Variants in HOXB3 observed in about 807,000 individuals in gnomAD.
The protein encoded by HOXB3 is homeobox B3, also known as homeobox protein Hox-B3.
In HOXB3, 17 loss-of-function variants were observed where a neutral mutation model predicts 29.2. The observed-to-expected ratio is 0.58, with a 90% confidence interval of 0.40 to 0.87. The LOEUF is 0.87. Ranked by LOEUF, HOXB3 falls within the 40% of genes least tolerant of loss-of-function variation. HOXB3 has a pLI of 0.00. For synonymous variants in HOXB3, 317 were observed against 285.9 expected (o/e 1.11, Z -1.10); for missense variants, 637 against 616.3 (o/e 1.03, Z -0.35).
chr17:48,555,257 C>A, intron 3 of HOXB3: 1 of 525,526 alleles, frequency 1.9e-6, no homozygotes, highest in Non-Finnish European at 3.4e-6. Flanking sequence ...AAAATTCAGC[C>A]CTGGATCTGG....
At chr17:48,577,736 G>T in intron 1 of HOXB3, 1 of 824,688 alleles carries the variant, frequency 1.2e-6, no homozygotes, top group Non-Finnish European at 1.6e-6. Flanking sequence ...TAAATCTCCG[G>T]CAATGGCGAG....
intron 2 of HOXB3, among the ~76,000 whole-genome samples, chr17:48,563,698 A>G (rs527934170): frequency 1.3e-5 from 2 of 152,296 alleles, no homozygotes; most frequent in South Asian, 2.1e-4. Context: ...GCTTCTCTGA[A>G]GCCATAAATC....
intron 2 of HOXB3, 40 bp downstream of exon 2, chr17:48,573,797 A>G: frequency 2.9e-6 from 2 of 692,196 alleles, no homozygotes; most frequent in Admixed American, 4.3e-5. Flanking sequence ...GAGCTCATAA[A>G]ACGATCAAAA....
At chr17:48,586,085 T>C (rs1051853106) in intron 1 of HOXB3, among the ~76,000 whole-genome samples, 2 of 152,138 alleles carry the variant, frequency 1.3e-5, no homozygotes, top group Non-Finnish European at 2.9e-5. Flanking sequence ...GGAGAGGCAG[T>C]CCAGAGGGCG....
Position 48,555,607 on chromosome 17 carries a change from A to G in HOXB3, c.-235T>C, listed in dbSNP as rs953865724. The G allele has an allele frequency of 2.8e-6, 2 of 702,658 alleles. No homozygotes were observed. The highest frequency in any genetic ancestry group is 1.7e-5 in the African/African-American group (1 of 57,250). The allele number at this position is 702,658 out of a possible 1,614,324, so 43.5% of individuals were successfully genotyped here. On this transcript the variant is annotated 5_prime_UTR_variant, in exon 3 of 5. Transcript: ENST00000498678. The stretch of plus-strand genomic sequence containing the variant: ...AGCCCCAGAGCGAGCGGCAGGCGAC[A>G]AATCTCCCCTCCTTGAAGGCAAAGG...
At position 48,552,578 on chromosome 17, in the gene HOXB3, C is replaced by CG; in HGVS notation, c.-105_-104insC. Reference sequence around the variant, plus strand: ...GGTCACGTGACACGCCGGACCCCCCCCCCCCACCTCCCCTCTCTGCCCCCC... The same window carrying CG: ...GGTCACGTGACACGCCGGACCCCCCCGCCCCCACCTCCCCTCTCTGCCCCCC... On this transcript the variant is annotated 5_prime_UTR_variant, in exon 4 of 5. The change creates a premature stop within an existing upstream ORF in the 5' untranslated region. Transcript: ENST00000498678. 1.3e-6 allele frequency: 1 copy of CG among 759,896 alleles called. No individual in the cohort carries two copies. Among genetic ancestry groups the CG allele is most frequent in the East Asian group, 2.9e-5 (1 of 34,332 alleles). The allele number at this position is 759,896 out of a possible 1,614,324, so 47.1% of individuals were successfully genotyped here. A position where few individuals can be genotyped will look rare whatever the true frequency, so the allele number is the denominator to read the frequency against.
intron 3 of HOXB3, 65 bp from the exon 4 acceptor site, chr17:48,552,697 C>T: frequency 2.1e-6 from 1 of 469,480 alleles, no homozygotes; most frequent in Non-Finnish European, 3.7e-6. Context: ...ATCTTAGGAA[C>T]TGAAAAGGGA....
intron 1 of HOXB3, chr17:48,578,060 G>A (rs2069827282): frequency 8.5e-7 from 1 of 1,174,886 alleles, no homozygotes; most frequent in African/African-American, 1.6e-5. Context: ...GGACAGACCG[G>A]GCGGTGGCGG....
Position 48,549,956 on chromosome 17 carries a change from T to G in HOXB3, c.*378A>C. On this transcript the variant is annotated 3_prime_UTR_variant, in exon 5 of 5. Coordinates refer to ENST00000498678, the MANE Select transcript of HOXB3 (RefSeq NM_001384749.1). The stretch of plus-strand genomic sequence containing the variant: ...CCTACAAAGATGTAAGGTAAGTCCG[T>G]TGGTTGGTGATGGCCTAGCCATCTT... The G allele has an allele frequency of 1.1e-5, 2 of 180,246 alleles. No homozygotes were observed. Among genetic ancestry groups the G allele is most frequent in the Non-Finnish European group, 2.4e-5 (2 of 84,524 alleles). 11.2% of individuals were successfully genotyped at this position (180,246 alleles called of 1,614,324 possible).
chr17:48,562,669 G>A (rs769768133), intron 2 of HOXB3, among the ~76,000 whole-genome samples: 3 of 152,118 alleles, frequency 2.0e-5, no homozygotes, highest in Non-Finnish European at 4.4e-5. Flanking sequence ...ATTAAATTAC[G>A]GCCACTTAGG....
intron 1 of HOXB3, chr17:48,581,871 T>C (rs1175096762): frequency 1.3e-5 from 2 of 152,176 alleles, no homozygotes; most frequent in Non-Finnish European, 2.9e-5. Context: ...CCGCCTGAGA[T>C]GGAGAACAGG....
At position 48,583,040 on chromosome 17, in the gene HOXB3, T is replaced by C. The variant is rs542050877; in HGVS notation, c.-425+7085A>G. ...GGCCAGGGCCCGGATCCCCACCCCA[T>C]TGCACACTCCATCTGCTTTATTTGC... On this transcript the variant is annotated intron_variant, in intron 1 of 4. Transcript: ENST00000498678. Among the ~76,000 whole-genome samples, 5 of 152,270 alleles carry C rather than the reference T, an allele frequency of 3.3e-5. No individual in the cohort carries two copies. The East Asian group carries it at 9.7e-4, about 29-fold the overall frequency.
chr17:48,573,405 T>G (rs1390886585), intron 2 of HOXB3, among the ~76,000 whole-genome samples: 1 of 152,136 alleles, frequency 6.6e-6, no homozygotes, highest in African/African-American at 2.4e-5. Flanking sequence ...TAAACAGGCA[T>G]AGGGGACACC....
At chr17:48,589,343 C>T (rs2070104477) in intron 1 of HOXB3, among the ~76,000 whole-genome samples, 1 of 152,204 alleles carries the variant, frequency 6.6e-6, no homozygotes, top group African/African-American at 2.4e-5. Context: ...ACACCTAACA[C>T]CTCTAGGCAA....
Position 48,550,659 on chromosome 17 carries a change from G to T in HOXB3, c.971C>A (p.Thr324Asn), listed in dbSNP as rs2068692093. 6.6e-7 allele frequency: 1 copy of T among 1,526,568 alleles called. No individual in the cohort carries two copies. Among genetic ancestry groups the T allele is most frequent in the African/African-American group, 1.4e-5 (1 of 72,046 alleles). 94.6% of individuals were successfully genotyped at this position (1,526,568 alleles called of 1,614,324 possible). ...GCGAPQKYPP[T>N]PAPEYEPHVL... ...GTGCGGCTCATACTCGGGCGCCGGG[G>T]TCGGAGGGTACTTCTGCGGGGCGCC... is the stretch of plus-strand genomic sequence containing the variant. The change falls in exon 5 of 5, where the codon ACC becomes AAC. Residue 324 changes from threonine to asparagine, a missense_variant. Transcript: ENST00000498678.
intron 1 of HOXB3, chr17:48,579,689 A>G (rs1294000853): frequency 8.7e-6 from 2 of 229,554 alleles, no homozygotes; most frequent in Admixed American, 1.2e-4. Context: ...GAGTTCAGGT[A>G]GATGATTTCT....
intron 2 of HOXB3, among the ~76,000 whole-genome samples, chr17:48,566,665 G>A (rs561031983): frequency 2.2e-4 from 33 of 152,292 alleles, no homozygotes; most frequent in African/African-American, 7.9e-4. Context: ...TTCAAAGCAT[G>A]CTGAATTCAG....
intron 1 of HOXB3, chr17:48,579,365 G>A (rs960186220): frequency 2.0e-5 from 3 of 152,264 alleles, no homozygotes; most frequent in African/African-American, 7.2e-5. Context: ...TTGATACTGG[G>A]GATACAGCCA....
In HOXB3 at chr17:48,554,340, T is replaced by C. The variant is rs1163648765; in HGVS notation, c.-159+1191A>G. On this transcript the variant is annotated intron_variant, in intron 3 of 4. Transcript: ENST00000498678. The surrounding 1 kb of genome is among the most constrained non-coding windows in gnomAD (Gnocchi z 4.1). The stretch of plus-strand genomic sequence containing the variant: ...CTGATTGTTACAGCAATAATAATGA[T>C]GACGATGATGATGATAGTAATAATA... 1.1e-5 allele frequency: 4 copies of C among 377,008 alleles called. No homozygotes were observed. The highest frequency in any genetic ancestry group is 2.1e-5 in the African/African-American group (1 of 48,656). 23.4% of individuals were successfully genotyped at this position (377,008 alleles called of 1,614,324 possible). A position where few individuals can be genotyped will look rare whatever the true frequency, so the allele number is the denominator to read the frequency against.
Sources: gnomAD v4.1 joint callset for allele counts (sites outside exome capture counted in the v4.1 genomes callset) on GRCh38, gnomAD v4.1.1 for gene constraint, Gnocchi (gnomAD v3.1) non-coding constraint, MANE v1.5 for transcripts, NCBI Gene and HGNC (gene_info 2026-07-23, HGNC 2026-07-21) for gene names.